The following LRRC72 variants were observed in gnomAD, a reference collection of about 807,000 sequenced individuals.
LRRC72 encodes leucine-rich repeat-containing protein 72.
LRRC72 carries 41 observed loss-of-function variants against 35.8 expected under a neutral mutation model. The ratio of observed to expected loss-of-function variants is 1.15; its 90% CI spans 0.89 to 1.49. The LOEUF (loss-of-function observed/expected upper bound fraction) is 1.49, where lower values mean the gene tolerates loss of function less well. LRRC72 is among the 40% of genes most tolerant of loss of function. The pLI, the probability that LRRC72 is intolerant of heterozygous loss-of-function variation, is 0.00. For synonymous variants in LRRC72, 118 were observed against 119.2 expected (o/e 0.99, Z 0.07); for missense variants, 389 against 330.7 (o/e 1.18, Z -1.37).
chr7:16,567,412 G>T lies in LRRC72; in HGVS notation c.539G>T (p.Arg180Ile). The change falls in exon 7 of 9, where the codon AGA becomes ATA. Residue 180 changes from arginine (R) to isoleucine (I), a missense_variant. Coordinates refer to ENST00000401542, the MANE Select transcript of LRRC72 (RefSeq NM_001195280.2). ...TCAGAAGTTACAGAAAAAGAAAGAA[G>T]ATCAATGATTACCATTTTTAACCAT... Reference protein sequence around the residue: ...DRNQVTEKERRSMITIFNHKK... With the variant: ...DRNQVTEKERISMITIFNHKK... The T allele has an allele frequency of 2.0e-6, 3 of 1,498,372 alleles. No individual in the cohort carries two copies. The highest frequency in any genetic ancestry group is 2.7e-6 in the Non-Finnish European group (3 of 1,124,450). 92.8% of individuals were successfully genotyped at this position (1,498,372 alleles called of 1,614,324 possible). A position where few individuals can be genotyped will look rare whatever the true frequency, so the allele number is the denominator to read the frequency against.
chr7:16,527,376 T>A (rs1339517495), intron 1 of LRRC72, among the ~76,000 whole-genome samples: 1 of 152,088 alleles, frequency 6.6e-6, no homozygotes, highest in Non-Finnish European at 1.5e-5. Context: ...CAGCATCTGC[T>A]GCGTATATAA....
intron 8 of LRRC72, among the ~76,000 whole-genome samples, 152 bp from the exon 9 acceptor site, chr7:16,581,172 G>T (rs1475088066): frequency 6.6e-6 from 1 of 152,172 alleles, no homozygotes; most frequent in Non-Finnish European, 1.5e-5. Flanking sequence ...AAAGTCATTT[G>T]TCAGTGGAGC....
At chr7:16,527,596 A>C (rs961153473) in intron 1 of LRRC72, among the ~76,000 whole-genome samples, 2 of 152,066 alleles carry the variant, frequency 1.3e-5, no homozygotes, top group African/African-American at 4.8e-5. Context: ...GATAATGATT[A>C]AAAGAATATT....
intron 7 of LRRC72, among the ~76,000 whole-genome samples, chr7:16,577,041 C>A (rs934122937): frequency 1.1e-4 from 17 of 152,210 alleles, no homozygotes; most frequent in Admixed American, 9.8e-4. Context: ...GAAATCAAGT[C>A]TTGAAGACAT....
chr7:16,534,143 T>C (rs1782213462), intron 2 of LRRC72, among the ~76,000 whole-genome samples: 1 of 152,216 alleles, frequency 6.6e-6, no homozygotes, highest in Non-Finnish European at 1.5e-5. Flanking sequence ...ACTGAGTTAT[T>C]TACCAAGTTT....
At chr7:16,568,978 A>G (rs533252452) in intron 7 of LRRC72, among the ~76,000 whole-genome samples, 2 of 152,354 alleles carry the variant, frequency 1.3e-5, no homozygotes, top group East Asian at 3.9e-4. Context: ...TGAGGACAAA[A>G]TTAAGACTTC....
At chr7:16,535,820 C>T (rs1782244634) in intron 2 of LRRC72, among the ~76,000 whole-genome samples, 1 of 152,170 alleles carries the variant, frequency 6.6e-6, no homozygotes, top group Non-Finnish European at 1.5e-5. Context: ...TAATGTGAGA[C>T]ATTCTACCAG....
At chr7:16,549,154 G>A (rs1278919701) in intron 3 of LRRC72, among the ~76,000 whole-genome samples, 1 of 152,114 alleles carries the variant, frequency 6.6e-6, no homozygotes, top group East Asian at 1.9e-4. Flanking sequence ...TTATAAATTT[G>A]AGGAAGGCAA....
At chr7:16,559,628 A>G (rs1782710042) in intron 5 of LRRC72, among the ~76,000 whole-genome samples, 1 of 152,174 alleles carries the variant, frequency 6.6e-6, no homozygotes, top group South Asian at 2.1e-4. Flanking sequence ...GTGTCCAAGT[A>G]GGCACATCTA....
rs1243168615 is a variant in LRRC72, at chr7:16,527,485, GGTGTGT to G, written c.90+444_90+449del. ...GTGTGTGTGTGTGGATGTGGGTGTG[GGTGTGT>G]ATCCCTAATATATTGTTCCCAGCAA... On this transcript the variant is annotated intron_variant, in intron 1 of 8. Transcript: ENST00000401542. 2.1e-4 allele frequency among the ~76,000 whole-genome samples: 32 copies of G among 151,670 alleles called. 1 individual carries two copies. Among genetic ancestry groups the G allele is most frequent in the Admixed American group, 2.1e-3 (32 of 15,234 alleles).
intron 7 of LRRC72, among the ~76,000 whole-genome samples, chr7:16,571,801 T>A (rs1782950456): frequency 6.6e-6 from 1 of 151,520 alleles, no homozygotes; most frequent in South Asian, 2.1e-4. Flanking sequence ...ATGCAGGAGG[T>A]CTTTTTTCAT....
chr7:16,555,733 C>T (rs964064075), intron 3 of LRRC72, among the ~76,000 whole-genome samples: 2 of 151,816 alleles, frequency 1.3e-5, no homozygotes, highest in African/African-American at 2.4e-5. Flanking sequence ...GAGCTGAGAT[C>T]GTGCCACTGC....
chr7:16,576,684 A>G (rs1783046435), intron 7 of LRRC72, among the ~76,000 whole-genome samples: 2 of 152,182 alleles, frequency 1.3e-5, no homozygotes, highest in African/African-American at 4.8e-5. Context: ...AATTACCTAT[A>G]TGTAAATGTA....
chr7:16,564,021 G>A (rs139401500), intron 5 of LRRC72, among the ~76,000 whole-genome samples: 2,575 of 152,216 alleles, frequency 0.017, 42 homozygotes, highest in Middle Eastern at 0.034. Context: ...CTTAACCAAG[G>A]ATTAGCAGAA....
chr7:16,535,404 G>A (rs577099401), intron 2 of LRRC72, among the ~76,000 whole-genome samples: 32 of 152,238 alleles, frequency 2.1e-4, no homozygotes, highest in African/African-American at 7.5e-4. Flanking sequence ...TGAGATAGAA[G>A]AGGAGGGAAC....
chr7:16,565,726 C>A (rs1386668395), intron 5 of LRRC72, among the ~76,000 whole-genome samples: 2 of 152,186 alleles, frequency 1.3e-5, no homozygotes, highest in African/African-American at 4.8e-5. Flanking sequence ...GATCTCAGAA[C>A]TGCACGTGCC....
At chr7:16,541,098 T>C (rs1319858828) in intron 3 of LRRC72, among the ~76,000 whole-genome samples, 1 of 152,156 alleles carries the variant, frequency 6.6e-6, no homozygotes, top group African/African-American at 2.4e-5. Context: ...AGTAAGGGCC[T>C]GAGTGTTGGA....
intron 2 of LRRC72, 98 bp from the exon 3 acceptor site, chr7:16,537,529 C>T (rs1311346672): frequency 7.0e-6 from 4 of 571,454 alleles, no homozygotes; most frequent in Non-Finnish European, 1.2e-5. Context: ...CAAAGAGAGG[C>T]CTTTCTAGTT....
chr7:16,532,616 T>TA, intron 2 of LRRC72, 48 bp downstream of exon 2: 2 of 1,343,306 alleles, frequency 1.5e-6, no homozygotes, highest in Non-Finnish European at 2.1e-6. Flanking sequence ...GTTATCATGA[T>TA]CATGTTAAAA....
Sources: gnomAD v4.1 joint callset for allele counts (sites outside exome capture counted in the v4.1 genomes callset) on GRCh38, gnomAD v4.1.1 for gene constraint, MANE v1.5 for transcripts, NCBI Gene and HGNC (gene_info 2026-07-23, HGNC 2026-07-21) for gene names.